LDB2: variants seen among roughly 807,000 people sequenced by gnomAD.
LDB2 encodes LIM domain binding 2, also known as LIM domain-binding protein 2.
Under a neutral mutation model 44.3 loss-of-function variants are expected in LDB2, and 12 were observed. The ratio of observed to expected loss-of-function variants is 0.27; its 90% CI spans 0.17 to 0.44. LDB2 has a LOEUF of 0.44. LDB2 is among the 20% of genes least tolerant of loss of function. The pLI is 1.00. For missense variants in LDB2, 344 were observed against 473.5 expected, an observed-to-expected ratio of 0.73 and a Z score of 2.54; for synonymous variants, 164 against 174.8, an observed-to-expected ratio of 0.94 and a Z score of 0.49.
chr4:16,505,561 C>G (rs973037280), intron 7 of LDB2, among the ~76,000 whole-genome samples: 1 of 152,194 alleles, frequency 6.6e-6, no homozygotes, highest in East Asian at 1.9e-4. Context: ...ATAAATAAAG[C>G]ATGATGCACA....
At chr4:16,857,243 C>T (rs938494228) in intron 1 of LDB2, among the ~76,000 whole-genome samples, 1 of 152,166 alleles carries the variant, frequency 6.6e-6, no homozygotes, top group Admixed American at 6.5e-5. Context: ...ACCAATAGTT[C>T]CTCAAGGATT....
At chr4:16,591,769 A>T (rs1043076964) in intron 3 of LDB2, among the ~76,000 whole-genome samples, 1 of 152,246 alleles carries the variant, frequency 6.6e-6, no homozygotes, top group Non-Finnish European at 1.5e-5. Flanking sequence ...TGGTAAAAAA[A>T]CAGGCATAGC....
At chr4:16,669,421 A>G (rs886316942) in intron 2 of LDB2, among the ~76,000 whole-genome samples, 7 of 152,190 alleles carry the variant, frequency 4.6e-5, no homozygotes, top group African/African-American at 1.7e-4. Flanking sequence ...TGGCTGATTC[A>G]GTCCACTAAA....
chr4:16,706,081 G>T (rs1754538776), intron 2 of LDB2, among the ~76,000 whole-genome samples: 1 of 152,124 alleles, frequency 6.6e-6, no homozygotes, highest in African/African-American at 2.4e-5. Flanking sequence ...GGCCAAAATT[G>T]CTAGTAAAAA....
intron 5 of LDB2, among the ~76,000 whole-genome samples, chr4:16,550,571 A>G (rs191131898): frequency 8.5e-5 from 13 of 152,400 alleles, no homozygotes; most frequent in Non-Finnish European, 1.6e-4. Flanking sequence ...GTAAAGAAGG[A>G]AACCAATAAT....
chr4:16,759,372 G>A (rs1561129299), intron 1 of LDB2, 112 bp from the exon 2 acceptor site: 14 of 768,754 alleles, frequency 1.8e-5, no homozygotes, highest in Non-Finnish European at 2.5e-5. Flanking sequence ...ATTACTTCGC[G>A]TATGTGTGTA....
chr4:16,731,084 A>G (rs1760652918), intron 2 of LDB2, among the ~76,000 whole-genome samples: 1 of 152,216 alleles, frequency 6.6e-6, no homozygotes, highest in Non-Finnish European at 1.5e-5. Context: ...TTGACCACCA[A>G]AAAGAATCAG....
chr4:16,512,432 T>C (rs1012996009), intron 5 of LDB2, among the ~76,000 whole-genome samples: 1 of 131,470 alleles, frequency 7.6e-6, no homozygotes, highest in Non-Finnish European at 1.6e-5. Context: ...CAAATAACTC[T>C]TTCTGGTTAA....
chr4:16,692,273 C>T (rs1288426643), intron 2 of LDB2, among the ~76,000 whole-genome samples: 2 of 152,148 alleles, frequency 1.3e-5, no homozygotes, highest in African/African-American at 2.4e-5. Context: ...TTGACTCATG[C>T]CCAGAGGCTA....
intron 1 of LDB2, among the ~76,000 whole-genome samples, chr4:16,845,577 A>T (rs1017349166): frequency 1.3e-5 from 2 of 152,136 alleles, no homozygotes; most frequent in Admixed American, 1.3e-4. Context: ...TATTATCCCA[A>T]CATCTACTGT....
At chr4:16,620,620 G>T (rs1728607763) in intron 2 of LDB2, among the ~76,000 whole-genome samples, 1 of 152,180 alleles carries the variant, frequency 6.6e-6, no homozygotes, top group Admixed American at 6.5e-5. Flanking sequence ...GAGGTGAGAA[G>T]GGTGATGAAA....
At chr4:16,725,487 A>G (rs1346922424) in intron 2 of LDB2, among the ~76,000 whole-genome samples, 1 of 152,154 alleles carries the variant, frequency 6.6e-6, no homozygotes, top group Non-Finnish European at 1.5e-5. Context: ...TATCTCTAGT[A>G]ACAATCCAGG....
rs190479281 is a variant in LDB2 at position 16,843,856 on chromosome 4, A to G, written c.132+54498T>C. On this transcript the variant is annotated intron_variant, in intron 1 of 7. Transcript: ENST00000304523. The stretch of plus-strand genomic sequence containing the variant: ...CAGCCTCGAACTCCTGACCTCAGGT[A>G]ATCCACCTGCCTCAGCCTCCCAAAG... Among the ~76,000 whole-genome samples, 17 of 152,068 alleles carry G rather than the reference A, an allele frequency of 1.1e-4. No individual in the cohort carries two copies. The East Asian group carries it at 1.9e-3, about 17-fold the overall frequency.
intron 2 of LDB2, among the ~76,000 whole-genome samples, chr4:16,656,528 A>G (rs1215858177): frequency 6.6e-6 from 1 of 152,218 alleles, no homozygotes; most frequent in Non-Finnish European, 1.5e-5. Context: ...AGTTCATTTT[A>G]ACTCTTGTAA....
At chr4:16,701,551 C>A (rs766545558) in intron 2 of LDB2, among the ~76,000 whole-genome samples, 2 of 152,176 alleles carry the variant, frequency 1.3e-5, no homozygotes, top group Non-Finnish European at 2.9e-5. Context: ...ACACTGTGAT[C>A]GTAACCCGCA....
chr4:16,536,610 A>T (rs1014150904), intron 5 of LDB2, among the ~76,000 whole-genome samples: 2 of 152,184 alleles, frequency 1.3e-5, no homozygotes, highest in African/African-American at 4.8e-5. Context: ...GAATGAGCAC[A>T]TTTTTTTCTC....
intron 5 of LDB2, among the ~76,000 whole-genome samples, chr4:16,537,807 T>G (rs550545842): frequency 8.3e-4 from 126 of 152,302 alleles, no homozygotes; most frequent in Admixed American, 1.6e-3. Flanking sequence ...CTCTGCTGTC[T>G]GTCCTTAACT....
chr4:16,724,955 A>G (rs1175846634), intron 2 of LDB2, among the ~76,000 whole-genome samples: 3 of 152,300 alleles, frequency 2.0e-5, no homozygotes, highest in East Asian at 3.9e-4. Context: ...GACATAAAAA[A>G]TGATTTGCAG....
intron 2 of LDB2, among the ~76,000 whole-genome samples, chr4:16,679,266 A>G (rs1747175339): frequency 6.6e-6 from 1 of 152,108 alleles, no homozygotes; most frequent in Non-Finnish European, 1.5e-5. Flanking sequence ...GTGTATAAAG[A>G]AAGGGAATAA....
Sources: gnomAD v4.1 joint callset for allele counts (sites outside exome capture counted in the v4.1 genomes callset) on GRCh38, gnomAD v4.1.1 for gene constraint, MANE v1.5 for transcripts, NCBI Gene and HGNC (gene_info 2026-07-23, HGNC 2026-07-21) for gene names.